Variants in CTNNA2 observed in about 807,000 individuals in gnomAD.
CTNNA2 encodes catenin alpha-2.
In CTNNA2, 42 loss-of-function variants were observed where a neutral mutation model predicts 101.0. The observed-to-expected ratio is 0.42, with a 90% CI of 0.32 to 0.54. The LOEUF (loss-of-function observed/expected upper bound fraction) is 0.54. CTNNA2 is among the 20% of genes least tolerant of loss of function. The pLI is 0.14. For missense variants in CTNNA2, 871 were observed against 1,223.1 expected (o/e 0.71, Z 4.29); for synonymous variants, 450 against 456.4 (o/e 0.99, Z 0.18).
At chr2:80,558,450 G>A (rs1693240774) in intron 12 of CTNNA2, among the ~76,000 whole-genome samples, 1 of 100,282 alleles carries the variant, frequency 1.0e-5, no homozygotes, top group Admixed American at 1.3e-4. Flanking sequence ...GTTGGTGTGT[G>A]TGTGTGTGTA....
In CTNNA2 at chr2:79,324,637, CTG is replaced by C. The variant is rs532168872; in HGVS notation, c.-318+11842_-318+11843del. Among the ~76,000 whole-genome samples the C allele has an allele frequency of 6.0e-4, 92 of 152,244 alleles. 2 individuals are homozygous for C. In the South Asian group the frequency reaches 0.018, roughly 30 times the overall value. ...GCCTCTGGATAAGCTTCCCAGGAAA[CTG>C]AGCATTTCTTTTCTATGCCCCCAGG... On this transcript the variant is annotated intron_variant, in intron 3 of 21. Transcript: ENST00000466387.
At chr2:80,097,370 G>A (rs1005404085) in intron 7 of CTNNA2, among the ~76,000 whole-genome samples, 1 of 152,192 alleles carries the variant, frequency 6.6e-6, no homozygotes, top group Non-Finnish European at 1.5e-5. Flanking sequence ...TCTGCCGAGA[G>A]ATCAGCTGTT....
chr2:79,699,832 C>CCT (rs1553453392), intron 2 of CTNNA2, among the ~76,000 whole-genome samples: 1 of 137,462 alleles, frequency 7.3e-6, no homozygotes, highest in African/African-American at 2.7e-5. Flanking sequence ...CACACACACA[C>CCT]GTGTGTGTAT....
At chr2:80,548,713 G>T (rs1279713251) in intron 11 of CTNNA2, among the ~76,000 whole-genome samples, 4 of 152,116 alleles carry the variant, frequency 2.6e-5, no homozygotes, top group Non-Finnish European at 5.9e-5. Context: ...GCACCTTTCC[G>T]CAGACGGGGT....
chr2:79,796,984 A>G (rs575053123), intron 3 of CTNNA2, among the ~76,000 whole-genome samples: 2 of 152,280 alleles, frequency 1.3e-5, no homozygotes, highest in Non-Finnish European at 2.9e-5. Context: ...CTCCCTCCAT[A>G]GAGGCACTTT....
intron 7 of CTNNA2, among the ~76,000 whole-genome samples, chr2:80,190,142 G>A (rs570444315): frequency 2.0e-4 from 31 of 152,028 alleles, no homozygotes; most frequent in African/African-American, 6.5e-4. Flanking sequence ...GGTTAATGAG[G>A]TTAACCCCTA....
rs1469957055 is a variant in CTNNA2, at chr2:79,315,840, T to C, written c.-318+3044T>C. 3.3e-5 allele frequency among the ~76,000 whole-genome samples: 5 copies of C among 152,272 alleles called. No homozygotes were observed. The East Asian group carries it at 9.7e-4, about 29-fold the overall frequency. On this transcript the variant is annotated intron_variant, in intron 3 of 21. Coordinates refer to the CTNNA2 transcript ENST00000466387. ...CTTTTGAGGAACTGTCAAACTATTT[T>C]CCCAATTCACTTCATCATTTTAAAT...
chr2:79,249,975 G>A (rs569529749), intron 2 of CTNNA2, among the ~76,000 whole-genome samples: 2 of 152,146 alleles, frequency 1.3e-5, no homozygotes, highest in African/African-American at 4.8e-5. Flanking sequence ...CTGAGTTTTT[G>A]TATCAGCTAC....
At chr2:80,591,093 T>A (rs1434830067) in intron 15 of CTNNA2, among the ~76,000 whole-genome samples, 2 of 152,146 alleles carry the variant, frequency 1.3e-5, no homozygotes, top group Non-Finnish European at 2.9e-5. Context: ...GGAGCACATT[T>A]TATAATTCTC....
chr2:80,502,280 C>T (rs1687935648), intron 9 of CTNNA2, among the ~76,000 whole-genome samples: 1 of 152,142 alleles, frequency 6.6e-6, no homozygotes, highest in South Asian at 2.1e-4. Flanking sequence ...TTCAAGCTTA[C>T]TTCTCTGCAA....
intron 7 of CTNNA2, among the ~76,000 whole-genome samples, chr2:79,961,395 C>T (rs1369119021): frequency 6.6e-6 from 1 of 152,018 alleles, no homozygotes; most frequent in Non-Finnish European, 1.5e-5. Flanking sequence ...TATTACCAGC[C>T]TCATCAGTCA....
chr2:79,666,764 A>G (rs1465625118), intron 2 of CTNNA2, among the ~76,000 whole-genome samples: 1 of 152,240 alleles, frequency 6.6e-6, no homozygotes, highest in African/African-American at 2.4e-5. Context: ...GAAATACTTG[A>G]TAATAGAATA....
intron 7 of CTNNA2, among the ~76,000 whole-genome samples, chr2:80,228,407 CA>C (rs1315850835): frequency 6.6e-6 from 1 of 152,132 alleles, no homozygotes; most frequent in Non-Finnish European, 1.5e-5. Context: ...TAATACCATT[CA>C]TGAGGTCTCT....
At chr2:80,055,844 C>T (rs1025035461) in intron 7 of CTNNA2, among the ~76,000 whole-genome samples, 1 of 152,134 alleles carries the variant, frequency 6.6e-6, no homozygotes, top group Non-Finnish European at 1.5e-5. Context: ...CTCAAGAGAG[C>T]TAAGTGCGTC....
chr2:80,544,092 C>A (rs1173289182), intron 9 of CTNNA2, among the ~76,000 whole-genome samples: 2 of 152,112 alleles, frequency 1.3e-5, no homozygotes, highest in Admixed American at 6.5e-5. Flanking sequence ...AACAAGTTGA[C>A]CCCCTTGACC....
chr2:79,952,776 C>T (rs919984930), intron 7 of CTNNA2, among the ~76,000 whole-genome samples: 3 of 152,158 alleles, frequency 2.0e-5, no homozygotes, highest in African/African-American at 7.2e-5. Context: ...TTGTCTGTGG[C>T]TGCTTTCACA....
At chr2:80,107,609 G>A (rs534781774) in intron 7 of CTNNA2, among the ~76,000 whole-genome samples, 5 of 152,172 alleles carry the variant, frequency 3.3e-5, no homozygotes, top group Non-Finnish European at 5.9e-5. Flanking sequence ...CTTGGATGCC[G>A]AACAGAGCTC....
intron 7 of CTNNA2, among the ~76,000 whole-genome samples, chr2:79,987,684 T>C (rs1025438525): frequency 6.6e-6 from 1 of 151,988 alleles, no homozygotes; most frequent in Non-Finnish European, 1.5e-5. Flanking sequence ...ACTGTAGAGT[T>C]GTTATGTGGC....
chr2:80,325,955 T>G (rs1559009162), intron 7 of CTNNA2, among the ~76,000 whole-genome samples: 2 of 152,194 alleles, frequency 1.3e-5, no homozygotes, highest in Non-Finnish European at 2.9e-5. Flanking sequence ...CCCACCCTTG[T>G]GATTCTCCGT....
Sources: gnomAD v4.1 joint callset for allele counts (sites outside exome capture counted in the v4.1 genomes callset) on GRCh38, gnomAD v4.1.1 for gene constraint, MANE v1.5 for transcripts, NCBI Gene and HGNC (gene_info 2026-07-23, HGNC 2026-07-21) for gene names.